COL9A1: variants seen among roughly 807,000 people sequenced by gnomAD.
COL9A1 encodes collagen type IX alpha 1 chain.
Under a neutral mutation model 142.6 loss-of-function variants are expected in COL9A1, and 104 were observed. The ratio of observed to expected loss-of-function variants is 0.73; its 90% CI spans 0.62 to 0.86. COL9A1 has a LOEUF of 0.86. COL9A1 is among the 40% of genes least tolerant of loss of function. COL9A1 has a pLI of 0.00. For synonymous variants in COL9A1, 466 were observed against 396.0 expected (o/e 1.18, Z -2.10); for missense variants, 1,210 against 1,176.6 (o/e 1.03, Z -0.42).
chr6:70,269,521 G>T, intron 16 of COL9A1, 112 bp downstream of exon 16: 1 of 793,976 alleles, frequency 1.3e-6, no homozygotes, highest in East Asian at 2.5e-5. Flanking sequence ...TTGAGTGAAA[G>T]GAAAACACAG....
chr6:70,274,887 T>G, intron 10 of COL9A1, 115 bp from the exon 11 acceptor site: 2 of 785,910 alleles, frequency 2.5e-6, no homozygotes, highest in South Asian at 3.1e-5. Context: ...ATAAGTATGA[T>G]GCAAATATTT....
In COL9A1 at chr6:70,261,833, G is replaced by T. The variant is rs975793968; in HGVS notation, c.1396-1123C>A. Among the ~76,000 whole-genome samples, 3 of 152,174 alleles carry T rather than the reference G, an allele frequency of 2.0e-5. No individual in the cohort carries two copies. The East Asian group carries it at 5.8e-4, about 29-fold the overall frequency. On this transcript the variant is annotated intron_variant, in intron 19 of 37. Transcript: ENST00000357250. ...AGAATACCACATATTTTCTCTTGAG[G>T]TGTCTACTTTGAAGAACAGAGCTTT... is the stretch of plus-strand genomic sequence containing the variant.
chr6:70,232,291 C>A (rs1160155861), intron 36 of COL9A1, among the ~76,000 whole-genome samples: 1 of 152,008 alleles, frequency 6.6e-6, no homozygotes, highest in East Asian at 1.9e-4. Flanking sequence ...TACCAGATCC[C>A]ATTATCTTTG....
intron 14 of COL9A1, 81 bp from the exon 15 acceptor site, chr6:70,270,448 T>C (rs898131987): frequency 4.9e-5 from 65 of 1,324,224 alleles, no homozygotes; most frequent in Admixed American, 1.5e-4. Context: ...CATAAGAGAA[T>C]GGTATTACTG....
intron 1 of COL9A1, 97 bp downstream of exon 1, chr6:70,302,814 T>A: frequency 7.6e-7 from 1 of 1,311,400 alleles, no homozygotes; most frequent in Non-Finnish European, 1.1e-6. Context: ...GAGGCTCACC[T>A]ACTCTCATCT....
chr6:70,260,058 T>C (rs547686979), intron 20 of COL9A1, among the ~76,000 whole-genome samples: 1 of 152,184 alleles, frequency 6.6e-6, no homozygotes, highest in Non-Finnish European at 1.5e-5. Flanking sequence ...ACTGTGCCAG[T>C]GTTATCAAAG....
At chr6:70,302,669 T>C (rs1211436913) in intron 1 of COL9A1, among the ~76,000 whole-genome samples, 1 of 152,062 alleles carries the variant, frequency 6.6e-6, no homozygotes, top group East Asian at 1.9e-4. Flanking sequence ...TTGATTTCCT[T>C]CCTCTCTTTT....
chr6:70,283,693 T>G, intron 6 of COL9A1, 44 bp downstream of exon 6: 4 of 1,455,510 alleles, frequency 2.7e-6, no homozygotes, highest in Non-Finnish European at 3.8e-6. Flanking sequence ...TGGAGAGGGT[T>G]GAGCTGGGTA....
chr6:70,234,047 G>A (rs1354759894), intron 35 of COL9A1, among the ~76,000 whole-genome samples: 1 of 152,196 alleles, frequency 6.6e-6, no homozygotes, highest in Non-Finnish European at 1.5e-5. Context: ...GTAAATGCTG[G>A]TTATTGATTG....
intron 35 of COL9A1, among the ~76,000 whole-genome samples, chr6:70,233,270 T>G (rs1436302118): frequency 6.6e-6 from 1 of 152,222 alleles, no homozygotes; most frequent in Non-Finnish European, 1.5e-5. Context: ...TTGAAGATAT[T>G]ATATAAACTG....
At chr6:70,242,221 C>T in intron 29 of COL9A1, 186 bp from the exon 30 acceptor site, 1 of 656,676 alleles carries the variant, frequency 1.5e-6, no homozygotes, top group South Asian at 1.6e-5. Context: ...CAATGTTCTC[C>T]CAGCCTTCAC....
chr6:70,220,320 T>C (rs1039944881), intron 37 of COL9A1, among the ~76,000 whole-genome samples: 1 of 152,112 alleles, frequency 6.6e-6, no homozygotes, highest in Non-Finnish European at 1.5e-5. Context: ...CCTTAACCAC[T>C]GCACTAACTG....
intron 12 of COL9A1, 116 bp from the exon 13 acceptor site, chr6:70,272,204 A>C: frequency 4.9e-6 from 4 of 814,068 alleles, no homozygotes; most frequent in South Asian, 1.8e-5. Context: ...AATGATGCTC[A>C]TTCTAAAGAA....
At chr6:70,250,843 G>C (rs999963165) in intron 28 of COL9A1, among the ~76,000 whole-genome samples, 2 of 152,116 alleles carry the variant, frequency 1.3e-5, no homozygotes, top group African/African-American at 4.8e-5. Flanking sequence ...TCTCTCTAGG[G>C]TTAAACTGTG....
intron 4 of COL9A1, among the ~76,000 whole-genome samples, chr6:70,298,949 T>G (rs1376258554): frequency 1.3e-5 from 2 of 152,264 alleles, no homozygotes; most frequent in East Asian, 3.9e-4. Context: ...GATTCAGTCC[T>G]TCCAGCACAT....
chr6:70,275,919 G>A (rs1772729815), intron 10 of COL9A1, among the ~76,000 whole-genome samples: 1 of 152,184 alleles, frequency 6.6e-6, no homozygotes, highest in Admixed American at 6.5e-5. Context: ...GTCTGTCATG[G>A]TCTGAATAAA....
At chr6:70,276,142 C>G (rs919599024) in intron 10 of COL9A1, among the ~76,000 whole-genome samples, 23 of 152,100 alleles carry the variant, frequency 1.5e-4, no homozygotes, top group African/African-American at 5.1e-4. Context: ...CTTTGATTTT[C>G]AATAGCCCTA....
chr6:70,243,824 G>A (rs560883226), intron 28 of COL9A1, among the ~76,000 whole-genome samples: 7 of 152,200 alleles, frequency 4.6e-5, no homozygotes, highest in South Asian at 2.1e-4. Context: ...CACTGCGCCC[G>A]GCTAGCTCAT....
intron 19 of COL9A1, among the ~76,000 whole-genome samples, chr6:70,261,879 A>G (rs1356159373): frequency 2.0e-5 from 3 of 152,212 alleles, no homozygotes; most frequent in African/African-American, 7.2e-5. Flanking sequence ...TCCAAGAAGC[A>G]TATTTGTTTA....
Sources: gnomAD v4.1 joint callset for allele counts (sites outside exome capture counted in the v4.1 genomes callset) on GRCh38, gnomAD v4.1.1 for gene constraint, MANE v1.5 for transcripts, NCBI Gene and HGNC (gene_info 2026-07-23, HGNC 2026-07-21) for gene names.